Variants in NEDD4 observed in about 807,000 individuals in gnomAD.
NEDD4 encodes the protein NEDD4 E3 ubiquitin protein ligase.
A neutral mutation model predicts 144.9 loss-of-function variants in NEDD4; 99 were observed. That is an observed-to-expected ratio of 0.68 (90% CI 0.58 to 0.81). The LOEUF (loss-of-function observed/expected upper bound fraction) is 0.81. Among genes scored for constraint, NEDD4 ranks in the 30% least tolerant of loss-of-function variants. The pLI is 0.00. For synonymous variants in NEDD4, 318 were observed against 350.6 expected (o/e 0.91, Z 1.04); for missense variants, 985 against 1,065.9 (o/e 0.92, Z 1.06).
chr15:55,853,716 T>C (rs1187919466), intron 12 of NEDD4, among the ~76,000 whole-genome samples: 6 of 152,108 alleles, frequency 3.9e-5, no homozygotes, highest in African/African-American at 1.4e-4. Flanking sequence ...AGGCTGGGCA[T>C]GATGGCTCAC....
chr15:55,888,072 G>T (rs930940856), intron 5 of NEDD4, among the ~76,000 whole-genome samples: 1 of 152,022 alleles, frequency 6.6e-6, no homozygotes, highest in African/African-American at 2.4e-5. Flanking sequence ...CTAACATCTG[G>T]AACATGACAG....
At chr15:55,911,660 G>C (rs1408404741) in intron 5 of NEDD4, among the ~76,000 whole-genome samples, 1 of 151,862 alleles carries the variant, frequency 6.6e-6, no homozygotes, top group Non-Finnish European at 1.5e-5. Flanking sequence ...CTCCCGTGTA[G>C]CTGGGACTAC....
chr15:55,839,771 A>G (rs1315384450), intron 21 of NEDD4, among the ~76,000 whole-genome samples: 1 of 151,624 alleles, frequency 6.6e-6, no homozygotes, highest in Non-Finnish European at 1.5e-5. Context: ...AGGTCAAAAG[A>G]CTGAGACCAT....
chr15:55,884,537 A>G (rs1352641958), intron 5 of NEDD4, among the ~76,000 whole-genome samples: 9 of 152,162 alleles, frequency 5.9e-5, no homozygotes, highest in Non-Finnish European at 1.3e-4. Context: ...AGGAAACTCA[A>G]TGAAATTCAA....
intron 1 of NEDD4, among the ~76,000 whole-genome samples, chr15:55,977,114 C>T (rs1256010059): frequency 6.6e-6 from 1 of 152,132 alleles, no homozygotes; most frequent in African/African-American, 2.4e-5. Flanking sequence ...AACCTTCTTT[C>T]TTCTAAAGAC....
intron 13 of NEDD4, among the ~76,000 whole-genome samples, chr15:55,851,734 C>T (rs1363518079): frequency 6.6e-6 from 1 of 151,982 alleles, no homozygotes; most frequent in South Asian, 2.1e-4. Context: ...ACCTTGGCCT[C>T]CCAAAGTGCT....
chr15:55,909,047 T>C (rs2036188499), intron 5 of NEDD4, among the ~76,000 whole-genome samples: 1 of 152,236 alleles, frequency 6.6e-6, no homozygotes, highest in South Asian at 2.1e-4. Context: ...AATGTATTTT[T>C]CTACTAAGGT....
At chr15:55,937,141 T>C (rs1274304969) in intron 4 of NEDD4, among the ~76,000 whole-genome samples, 1 of 152,172 alleles carries the variant, frequency 6.6e-6, no homozygotes, top group African/African-American at 2.4e-5. Context: ...CCCGTTTGTG[T>C]TGTCAATAAC....
chr15:55,894,184 C>T (rs1234299822), intron 5 of NEDD4, among the ~76,000 whole-genome samples: 1 of 152,092 alleles, frequency 6.6e-6, no homozygotes. Flanking sequence ...ACTGTATAGT[C>T]AGCTCTCTCT....
intron 1 of NEDD4, among the ~76,000 whole-genome samples, chr15:55,981,218 T>C (rs955216663): frequency 6.6e-6 from 1 of 151,832 alleles, no homozygotes; most frequent in African/African-American, 2.4e-5. Context: ...AATTCTTGTA[T>C]TTTTAGTAGA....
intron 5 of NEDD4, among the ~76,000 whole-genome samples, chr15:55,923,578 C>T (rs1168786730): frequency 1.4e-5 from 2 of 147,040 alleles, no homozygotes; most frequent in African/African-American, 2.5e-5. Flanking sequence ...ACCCTGGAGG[C>T]GGAGGTTGCA....
At chr15:55,940,224 A>C (rs1209345822) in intron 4 of NEDD4, among the ~76,000 whole-genome samples, 1 of 152,104 alleles carries the variant, frequency 6.6e-6, no homozygotes, top group Non-Finnish European at 1.5e-5. Flanking sequence ...ACCTTTGTGA[A>C]GAGGGTACAT....
intron 5 of NEDD4, chr15:55,915,556 A>T (rs2036409829): frequency 6.2e-7 from 1 of 1,613,974 alleles, no homozygotes; most frequent in East Asian, 2.2e-5. Flanking sequence ...ACATTTTGGG[A>T]GGATGGCAAA....
rs2033209052 is a variant in NEDD4, at chr15:55,836,583, T to A, written c.2262+1206A>T. Among the ~76,000 whole-genome samples the A allele has an allele frequency of 2.6e-5, 4 of 152,100 alleles. No homozygotes were observed. In the South Asian group the frequency reaches 8.3e-4, roughly 32 times the overall value. ...CTCTGTTGCCCAGGATGGAGTGCAG[T>A]GGCGTAATCTTGGCTCACTGCAACC... On this transcript the variant is annotated intron_variant, in intron 24 of 28. Transcript: ENST00000435532.
chr15:55,833,512 A>T (rs2033055347), intron 26 of NEDD4, among the ~76,000 whole-genome samples: 2 of 152,038 alleles, frequency 1.3e-5, no homozygotes, highest in African/African-American at 4.8e-5. Context: ...ACAAAAAAAA[A>T]TAACTAGGCA....
intron 5 of NEDD4, among the ~76,000 whole-genome samples, chr15:55,899,672 G>C (rs1302989094): frequency 6.6e-6 from 1 of 152,202 alleles, no homozygotes; most frequent in Non-Finnish European, 1.5e-5. Context: ...CATTGTGAAA[G>C]TACAGGGGTA....
chr15:55,969,444 G>A (rs2037571546), intron 1 of NEDD4, among the ~76,000 whole-genome samples: 1 of 152,170 alleles, frequency 6.6e-6, no homozygotes, highest in Non-Finnish European at 1.5e-5. Flanking sequence ...GAACCAGTGA[G>A]ACACCAGACG....
intron 5 of NEDD4, among the ~76,000 whole-genome samples, chr15:55,894,193 C>T (rs796391142): frequency 1.1e-4 from 17 of 152,174 alleles, no homozygotes; most frequent in African/African-American, 4.1e-4. Context: ...TCAGCTCTCT[C>T]TATCGGTGGA....
intron 1 of NEDD4, 57 bp from the exon 2 acceptor site, chr15:55,966,603 A>C: frequency 1.2e-6 from 1 of 828,654 alleles, no homozygotes; most frequent in Non-Finnish European, 1.8e-6. Context: ...ACTAAGACAC[A>C]ATTTTTTAAA....
Sources: allele counts gnomAD v4.1 joint callset (sites outside exome capture counted in the v4.1 genomes callset), GRCh38; gene constraint gnomAD v4.1.1; transcripts MANE v1.5; gene names NCBI Gene and HGNC (gene_info 2026-07-23, HGNC 2026-07-21).